The following EIF2AK1 variants were observed in gnomAD, a reference collection of about 807,000 sequenced individuals.
The protein encoded by EIF2AK1 is eukaryotic translation initiation factor 2-alpha kinase 1.
In EIF2AK1, 54 loss-of-function variants were observed where a neutral mutation model predicts 77.9. The observed-to-expected ratio is 0.69, with a 90% CI of 0.56 to 0.87. EIF2AK1 has a LOEUF of 0.87. EIF2AK1 is among the 40% of genes least tolerant of loss of function. EIF2AK1 has a pLI of 0.00. For synonymous variants in EIF2AK1, 314 were observed against 290.5 expected, an observed-to-expected ratio of 1.08 and a Z score of -0.82; for missense variants, 810 against 768.6, an observed-to-expected ratio of 1.05 and a Z score of -0.64.
At chr7:6,054,760 AC>A in intron 1 of EIF2AK1, 56 bp from the exon 2 acceptor site, 2 of 1,478,152 alleles carry the variant, frequency 1.4e-6, no homozygotes, top group Non-Finnish European at 1.9e-6. Context: ...TCTCATAATG[AC>A]AAAACCGTAT....
chr7:6,029,195 G>C (rs971431543), intron 11 of EIF2AK1, among the ~76,000 whole-genome samples, 163 bp from the exon 12 acceptor site: 1 of 152,096 alleles, frequency 6.6e-6, no homozygotes, highest in African/African-American at 2.4e-5. Flanking sequence ...AATCATCCAG[G>C]AGTTTTAAAA....
intron 3 of EIF2AK1, 72 bp from the exon 4 acceptor site, chr7:6,048,916 A>G (rs1430812416): frequency 3.2e-5 from 34 of 1,054,028 alleles, no homozygotes; most frequent in South Asian, 4.5e-5. Flanking sequence ...TCAAAATTCA[A>G]TATCACATTA....
Position 6,054,436 on chromosome 7 carries a change from T to C in EIF2AK1, c.277+110A>G. ...CCAAACCGATCTCGATCTCCGGACC[T>C]CGGGTGATCCGCCCACCTCAGCCTC... On this transcript the variant is annotated intron_variant, in intron 2 of 14. Transcript: ENST00000199389. 8 of 1,206,734 alleles carry C rather than the reference T, an allele frequency of 6.6e-6. 1 individual carries two copies. In the South Asian group the frequency reaches 1.0e-4, roughly 15 times the overall value. The allele number at this position is 1,206,734 out of a possible 1,614,324, so 74.8% of individuals were successfully genotyped here.
chr7:6,023,276 G>C lies in EIF2AK1; in HGVS notation c.*1397C>G, dbSNP rs780134092. ...CTTCCCTCAGGGCTGCTCTGGTGAT[G>C]CTACCTGGCGTGTTTTTTCTTTTCA... On this transcript the variant is annotated 3_prime_UTR_variant, in exon 15 of 15. Coordinates refer to ENST00000199389, the MANE Select transcript of EIF2AK1 (RefSeq NM_014413.4). 11 of 1,560,040 alleles carry C rather than the reference G, an allele frequency of 7.1e-6. No homozygotes were observed. Among genetic ancestry groups the C allele is most frequent in the Non-Finnish European group, 9.5e-6 (11 of 1,159,150 alleles).
intron 13 of EIF2AK1, among the ~76,000 whole-genome samples, chr7:6,028,267 T>C (rs541314534): frequency 3.5e-4 from 54 of 152,190 alleles, no homozygotes; most frequent in African/African-American, 1.2e-3. Context: ...TTTTTTTTTT[T>C]TGAGATGGAG....
chr7:6,030,567 C>T (rs922034889), intron 11 of EIF2AK1, among the ~76,000 whole-genome samples: 1 of 152,132 alleles, frequency 6.6e-6, no homozygotes, highest in Admixed American at 6.6e-5. Flanking sequence ...GGTGCCATCT[C>T]GGCTCACTGT....
chr7:6,035,437 A>ATT lies in EIF2AK1; in HGVS notation c.1332+1985_1332+1986dup. The ATT allele has an allele frequency of 6.5e-7, 1 of 1,547,982 alleles. No homozygotes were observed. The highest frequency in any genetic ancestry group is 8.7e-7 in the Non-Finnish European group (1 of 1,144,988). On this transcript the variant is annotated intron_variant, in intron 11 of 14. Transcript: ENST00000199389. This position sits in a 1 kb window ranked among gnomAD's most constrained non-coding sequence, Gnocchi z 5.5. ...TCAGTGTAACGTGTAATCAATACCC[A>ATT]TTCTAGGGACACGACAGGCCTCACC...
At chr7:6,030,002 C>T (rs1030546202) in intron 11 of EIF2AK1, among the ~76,000 whole-genome samples, 3 of 152,064 alleles carry the variant, frequency 2.0e-5, no homozygotes, top group South Asian at 2.1e-4. Context: ...AGAAAAGAAA[C>T]GACTGTCCTG....
intron 11 of EIF2AK1, among the ~76,000 whole-genome samples, chr7:6,034,682 T>A (rs958916663): frequency 6.6e-6 from 1 of 152,202 alleles, no homozygotes; most frequent in African/African-American, 2.4e-5. Context: ...AACAAATCTA[T>A]GTGAACTAAA....
chr7:6,052,104 G>A (rs74854273), intron 2 of EIF2AK1, among the ~76,000 whole-genome samples: 9,651 of 150,476 alleles, frequency 0.064, 594 homozygotes, highest in East Asian at 0.35. Context: ...CCCAGAAGGT[G>A]GAGGTTGCAG....
At chr7:6,056,608 A>AT (rs1788771905) in intron 1 of EIF2AK1, among the ~76,000 whole-genome samples, 2 of 99,236 alleles carry the variant, frequency 2.0e-5, no homozygotes, top group South Asian at 3.1e-4. Flanking sequence ...GAAAAAAAAA[A>AT]AAAAAATATA....
rs1367763906 is a variant in EIF2AK1, at chr7:6,049,174, T to C, written c.412-330A>G. ...AGTCCATTCGCAACACAGCAGCCAG[T>C]GTGACCCCACTAAAATGTAAGTCAG... On this transcript the variant is annotated intron_variant, in intron 3 of 14. Coordinates refer to ENST00000199389, the MANE Select transcript of EIF2AK1 (RefSeq NM_014413.4). Among the ~76,000 whole-genome samples, 2 of 152,154 alleles carry C rather than the reference T, an allele frequency of 1.3e-5. 1 individual carries two copies. Among genetic ancestry groups the C allele is most frequent in the African/African-American group, 4.8e-5 (2 of 41,436 alleles).
intron 3 of EIF2AK1, among the ~76,000 whole-genome samples, chr7:6,049,532 G>T (rs893745930): frequency 3.3e-5 from 5 of 152,106 alleles, no homozygotes; most frequent in Middle Eastern, 3.4e-3. Context: ...GACAGTGCGA[G>T]ACTCTGTCTC....
chr7:6,044,499 G>T, intron 7 of EIF2AK1, 63 bp downstream of exon 7: 1 of 1,387,280 alleles, frequency 7.2e-7, no homozygotes, highest in South Asian at 1.2e-5. Flanking sequence ...AGGCAGGCCA[G>T]ATTTGGTGCA....
Position 6,040,941 on chromosome 7 carries a change from G to C in EIF2AK1, c.1070C>G (p.Ser357Cys). The C allele has an allele frequency of 1.2e-6, 2 of 1,614,114 alleles. No individual in the cohort carries two copies. The highest frequency in any genetic ancestry group is 1.7e-6 in the Non-Finnish European group (2 of 1,180,032). The change falls in exon 9 of 15, where the codon TCC becomes TGC. Residue 357 changes from serine (S) to cysteine (C), a missense_variant. Physicochemically the swap from Ser to Cys is moderately radical, Grantham distance 112. Coordinates refer to ENST00000199389, the MANE Select transcript of EIF2AK1 (RefSeq NM_014413.4). Reference sequence around the variant, plus strand: ...ATTTTCTTCGGAAGATTCTTCGGTGGATGTGAAACTCTCCTCTAGGTGGGA... The same window carrying C: ...ATTTTCTTCGGAAGATTCTTCGGTGCATGTGAAACTCTCCTCTAGGTGGGA... ...RNSHLEESFT[S>C]TEESSEENVN...
Position 6,028,662 on chromosome 7 carries a change from G to A in EIF2AK1, c.1483C>T (p.Leu495=), listed in dbSNP as rs1007954194. 1.2e-6 allele frequency: 2 copies of A among 1,614,232 alleles called. No individual in the cohort carries two copies. Among genetic ancestry groups the A allele is most frequent in the South Asian group, 1.1e-5 (1 of 91,088 alleles). ...TCCAACTGTTCGGGTGAAGCGTACA[G>A]ACAAGTACCCACTCTGGACGTATGT... ...PTHTSRVGTC[L]YASPEQLEGS... is the part of the protein sequence containing the mutation. The change falls in exon 13 of 15, where the codon CTG becomes TTG. Residue 495 remains leucine (L), a synonymous_variant. Transcript: ENST00000199389.
At position 6,035,600 on chromosome 7, in the gene EIF2AK1, T is replaced by G. The variant is rs1788055132; in HGVS notation, c.1332+1824A>C. On this transcript the variant is annotated intron_variant, in intron 11 of 14. Transcript: ENST00000199389. The surrounding 1 kb of genome is among the most constrained non-coding windows in gnomAD (Gnocchi z 5.5). Reference sequence around the variant, plus strand: ...TCCGCATCTTGTGTGCGCACGGAGCTCAAGTGAACACTCAAGGGGAAATCA... The same window carrying G: ...TCCGCATCTTGTGTGCGCACGGAGCGCAAGTGAACACTCAAGGGGAAATCA... The G allele has an allele frequency of 6.4e-7, 1 of 1,550,782 alleles. No homozygotes were observed. Among genetic ancestry groups the G allele is most frequent in the Non-Finnish European group, 8.7e-7 (1 of 1,147,070 alleles).
At chr7:6,034,091 G>A (rs536869746) in intron 11 of EIF2AK1, among the ~76,000 whole-genome samples, 1 of 151,814 alleles carries the variant, frequency 6.6e-6, no homozygotes, top group South Asian at 2.1e-4. Context: ...GCTGAGGTGG[G>A]TGGATCATGA....
At chr7:6,058,533 T>A (rs999879694) in intron 1 of EIF2AK1, among the ~76,000 whole-genome samples, 1 of 152,154 alleles carries the variant, frequency 6.6e-6, no homozygotes, top group Non-Finnish European at 1.5e-5. Flanking sequence ...AAAGCTCCAA[T>A]GAAGCAAAAG....
Sources: gnomAD v4.1 joint callset for allele counts (sites outside exome capture counted in the v4.1 genomes callset) on GRCh38, gnomAD v4.1.1 for gene constraint, Gnocchi (gnomAD v3.1) non-coding constraint, MANE v1.5 for transcripts, NCBI Gene and HGNC (gene_info 2026-07-23, HGNC 2026-07-21) for gene names.